The following CHD6 variants were observed in gnomAD, a reference collection of about 807,000 sequenced individuals.
CHD6 encodes the protein ATP-dependent chromatin remodeler CHD6.
In CHD6, 50 loss-of-function variants were observed where a neutral mutation model predicts 276.9. That is an observed-to-expected ratio of 0.18 (90% CI 0.14 to 0.23). The LOEUF is 0.23. Among genes scored for constraint, CHD6 ranks in the 10% least tolerant of loss-of-function variants. CHD6 has a pLI of 1.00. For missense variants in CHD6, 2,564 were observed against 3,365.8 expected (o/e 0.76, Z 5.89); for synonymous variants, 1,173 against 1,229.3 (o/e 0.95, Z 0.96).
chr20:41,616,493 G>C (rs2045935733), intron 1 of CHD6, among the ~76,000 whole-genome samples: 1 of 152,184 alleles, frequency 6.6e-6, no homozygotes, highest in Non-Finnish European at 1.5e-5. Context: ...TACTATTAGA[G>C]AGACTCCAAA....
intron 27 of CHD6, among the ~76,000 whole-genome samples, chr20:41,436,129 A>G (rs1369978264): frequency 6.6e-6 from 1 of 152,256 alleles, no homozygotes; most frequent in African/African-American, 2.4e-5. Context: ...CTGACAAAAG[A>G]CTAGTATCTA....
rs2045931634 is a variant in CHD6, at chr20:41,615,991, A to G, written c.-24+2349T>C. Among the ~76,000 whole-genome samples, 5 of 152,378 alleles carry G rather than the reference A, an allele frequency of 3.3e-5. No homozygotes were observed. In the South Asian group the frequency reaches 1.0e-3, roughly 32 times the overall value. ...GATAGGTTTTCTGCAATTTCACAGCAAAATCACAAATAAGATGTGGCTTCT... is the reference window on the plus strand; with the variant it reads ...GATAGGTTTTCTGCAATTTCACAGCGAAATCACAAATAAGATGTGGCTTCT... On this transcript the variant is annotated intron_variant, in intron 1 of 36. Transcript: ENST00000373233.
At chr20:41,462,179 G>A (rs2042817390) in intron 17 of CHD6, among the ~76,000 whole-genome samples, 1 of 152,128 alleles carries the variant, frequency 6.6e-6, no homozygotes, top group Non-Finnish European at 1.5e-5. Context: ...ACATCATGAG[G>A]TCATACTGAT....
intron 3 of CHD6, 35 bp from the exon 4 acceptor site, chr20:41,514,987 C>A: frequency 6.2e-6 from 10 of 1,609,650 alleles, no homozygotes; most frequent in Non-Finnish European, 7.6e-6. Flanking sequence ...AACTGTTGGG[C>A]AGTTTTTAAA....
At chr20:41,531,524 G>C (rs2044684538) in intron 3 of CHD6, among the ~76,000 whole-genome samples, 1 of 152,132 alleles carries the variant, frequency 6.6e-6, no homozygotes, top group Non-Finnish European at 1.5e-5. Flanking sequence ...TGCTCACTAG[G>C]TTCACTAAGA....
intron 14 of CHD6, among the ~76,000 whole-genome samples, chr20:41,486,811 C>T (rs1293488958): frequency 2.6e-5 from 4 of 152,036 alleles, no homozygotes; most frequent in African/African-American, 9.7e-5. Context: ...TGTTTCCCCA[C>T]TAGTGAATAA....
chr20:41,551,643 C>T lies in CHD6; in HGVS notation c.-23-283G>A, dbSNP rs150572347. 2.5e-3 allele frequency among the ~76,000 whole-genome samples: 376 copies of T among 152,128 alleles called. 3 individuals carry two copies. Among genetic ancestry groups the T allele is most frequent in the Non-Finnish European group, 3.0e-3 (202 of 67,984 alleles). ...GGCATGTATGAAAGTTAGTGGTAAC[C>T]AATAAAGGAACAAAAACAATAACAT... On this transcript the variant is annotated intron_variant, in intron 1 of 36. Coordinates refer to ENST00000373233, the MANE Select transcript of CHD6 (RefSeq NM_032221.5).
At chr20:41,550,842 G>C (rs1440118447) in intron 2 of CHD6, among the ~76,000 whole-genome samples, 1 of 152,174 alleles carries the variant, frequency 6.6e-6, no homozygotes, top group African/African-American at 2.4e-5. Context: ...AAATGCCAAA[G>C]AGTTGATGCT....
rs976041718 is a variant in CHD6 at position 41,425,354 on chromosome 20, A to C, written c.4170T>G (p.Val1390=). The stretch of plus-strand genomic sequence containing the variant: ...TGAGACGAGCTGTGAGGGCGGAGGA[A>C]ACTGGCCAGGGCGATTTGTCTGGGT... ...GSDPDKSPWP[V]SSALTARLRR... The change falls in exon 29 of 37, where the codon GTT becomes GTG. Residue 1390 remains valine, a synonymous_variant. Coordinates refer to ENST00000373233, the MANE Select transcript of CHD6 (RefSeq NM_032221.5). The C allele has an allele frequency of 6.2e-7, 1 of 1,614,028 alleles. No individual in the cohort carries two copies. Among genetic ancestry groups the C allele is most frequent in the Non-Finnish European group, 8.5e-7 (1 of 1,180,032 alleles).
chr20:41,403,752 G>GT lies in CHD6; in HGVS notation c.*840dup. ...GGCAAATTAATGGCTAGAGAAATCT[G>GT]TAAGCGAACCAGGTGAGAGCAGAGC... On this transcript the variant is annotated 3_prime_UTR_variant, in exon 37 of 37. Coordinates refer to ENST00000373233, the MANE Select transcript of CHD6 (RefSeq NM_032221.5). The GT allele has an allele frequency of 9.5e-7, 1 of 1,057,476 alleles. No individual in the cohort carries two copies. Among genetic ancestry groups the GT allele is most frequent in the Non-Finnish European group, 1.1e-6 (1 of 874,376 alleles). The allele number at this position is 1,057,476 out of a possible 1,614,324, so 65.5% of individuals were successfully genotyped here.
chr20:41,513,713 G>GA (rs1156587906), intron 4 of CHD6, among the ~76,000 whole-genome samples: 6 of 152,062 alleles, frequency 3.9e-5, no homozygotes, highest in African/African-American at 1.4e-4. Flanking sequence ...CTCAACAGTA[G>GA]AATCACTTCA....
intron 24 of CHD6, among the ~76,000 whole-genome samples, chr20:41,447,288 G>A (rs1316524649): frequency 6.6e-6 from 1 of 152,146 alleles, no homozygotes; most frequent in Non-Finnish European, 1.5e-5. Context: ...TGTGCACAGG[G>A]CTAGCAAACT....
chr20:41,612,300 C>A (rs1051736560), intron 1 of CHD6, among the ~76,000 whole-genome samples: 1 of 152,204 alleles, frequency 6.6e-6, no homozygotes, highest in Non-Finnish European at 1.5e-5. Context: ...TTACACTTAT[C>A]TTTCTGGAGC....
chr20:41,437,046 AT>A (rs2047731895), intron 27 of CHD6, among the ~76,000 whole-genome samples: 1 of 152,218 alleles, frequency 6.6e-6, no homozygotes, highest in Non-Finnish European at 1.5e-5. Flanking sequence ...TCTGTATTAT[AT>A]TTTGTGACTG....
chr20:41,499,122 T>A (rs1389520614), intron 6 of CHD6, among the ~76,000 whole-genome samples, 173 bp downstream of exon 6: 1 of 152,142 alleles, frequency 6.6e-6, no homozygotes, highest in Non-Finnish European at 1.5e-5. Context: ...AAGAGTTTTA[T>A]GTCCTAAAAT....
At chr20:41,483,632 A>ATCTCCTCACTGGACTGCTG in intron 15 of CHD6, 113 bp from the exon 16 acceptor site, 6 of 752,516 alleles carry the variant, frequency 8.0e-6, no homozygotes, top group Non-Finnish European at 1.1e-5. Flanking sequence ...CTAGACCAGC[A>ATCTCCTCACTGGACTGCTG]GTCCAGTGAG....
chr20:41,415,113 C>A (rs1054240359), intron 34 of CHD6, 73 bp downstream of exon 34: 2 of 1,498,712 alleles, frequency 1.3e-6, no homozygotes, highest in Non-Finnish European at 1.8e-6. Context: ...AATTATTTTG[C>A]GTCTGAGGAA....
At chr20:41,571,580 G>A (rs374283953) in intron 1 of CHD6, among the ~76,000 whole-genome samples, 4 of 151,454 alleles carry the variant, frequency 2.6e-5, no homozygotes, top group African/African-American at 7.3e-5. Context: ...TAGTAGAAAC[G>A]GGTTTCATCA....
At chr20:41,491,596 C>G in intron 11 of CHD6, 102 bp downstream of exon 11, 1 of 1,317,006 alleles carries the variant, frequency 7.6e-7, no homozygotes, top group South Asian at 1.3e-5. Context: ...GATGGCCATG[C>G]TGCTCCCTCT....
Sources: gnomAD v4.1 joint callset for allele counts (sites outside exome capture counted in the v4.1 genomes callset) on GRCh38, gnomAD v4.1.1 for gene constraint, MANE v1.5 for transcripts, NCBI Gene and HGNC (gene_info 2026-07-23, HGNC 2026-07-21) for gene names.